TBC1D19: variants seen among roughly 807,000 people sequenced by gnomAD.
TBC1D19 encodes TBC1 domain family member 19.
In TBC1D19, 60 loss-of-function variants were observed where a neutral mutation model predicts 89.0. The observed-to-expected ratio is 0.67, with a 90% confidence interval of 0.55 to 0.84. The LOEUF is 0.84. Ranked by LOEUF, TBC1D19 falls within the 40% of genes least tolerant of loss-of-function variation. The pLI is 0.00. For synonymous variants in TBC1D19, 189 were observed against 199.7 expected, an observed-to-expected ratio of 0.95 and a Z score of 0.45; for missense variants, 500 against 610.8, an observed-to-expected ratio of 0.82 and a Z score of 1.91.
chr4:26,739,805 A>C, intron 16 of TBC1D19, 59 bp from the exon 17 acceptor site: 1 of 963,152 alleles, frequency 1.0e-6, no homozygotes, highest in Non-Finnish European at 1.5e-6. Context: ...CATATTTTAT[A>C]AATTTATCTT....
chr4:26,604,666 G>C (rs1222843892), intron 1 of TBC1D19, among the ~76,000 whole-genome samples: 1 of 151,218 alleles, frequency 6.6e-6, no homozygotes, highest in East Asian at 2.0e-4. Flanking sequence ...ACGAGGTTGG[G>C]AGATCGAGAC....
chr4:26,809,936 C>G, the TBC1D19 span, among the ~76,000 whole-genome samples: 1 of 152,338 alleles, frequency 6.6e-6, no homozygotes, highest in East Asian at 1.9e-4. Context: ...ACGCTGAGCC[C>G]CACTGCACCC....
At position 26,695,834 on chromosome 4, in the gene TBC1D19, G is replaced by A. The variant is rs1714724349; in HGVS notation, c.954+7427G>A. ...GAGAGATTTTGTCACCACCAGGCCT[G>A]CCCTACAAGAGCTCCTGAAGGAAGC... On this transcript the variant is annotated intron_variant, in intron 13 of 20. Coordinates refer to ENST00000264866, the MANE Select transcript of TBC1D19 (RefSeq NM_018317.4). 2.6e-5 allele frequency among the ~76,000 whole-genome samples: 4 copies of A among 152,168 alleles called. No homozygotes were observed. In the South Asian group the frequency reaches 6.2e-4, roughly 24 times the overall value.
chr4:26,678,805 T>A (rs1713075268), intron 11 of TBC1D19, among the ~76,000 whole-genome samples: 1 of 152,192 alleles, frequency 6.6e-6, no homozygotes, highest in African/African-American at 2.4e-5. Context: ...ATGTAGCTTT[T>A]CGTCCTATAA....
At chr4:26,738,891 T>A (rs1718191207) in intron 16 of TBC1D19, among the ~76,000 whole-genome samples, 1 of 152,196 alleles carries the variant, frequency 6.6e-6, no homozygotes, top group South Asian at 2.1e-4. Context: ...ACTGGCCCAC[T>A]GACTTCCTTG....
At chr4:26,854,746 T>C in the TBC1D19 span, among the ~76,000 whole-genome samples, 1,452 of 114,632 alleles carry the variant, frequency 0.013, 5 homozygotes, top group African/African-American at 0.019. Flanking sequence ...TTTTTTTTTT[T>C]CCTCTGGGGC....
At chr4:26,815,924 C>A in the TBC1D19 span, among the ~76,000 whole-genome samples, 12 of 152,078 alleles carry the variant, frequency 7.9e-5, no homozygotes, top group Non-Finnish European at 1.5e-5. Context: ...CTTGGAATAC[C>A]CCCCGAGGGC....
chr4:26,665,503 A>G (rs966729182), intron 8 of TBC1D19, among the ~76,000 whole-genome samples: 2 of 152,126 alleles, frequency 1.3e-5, no homozygotes, highest in African/African-American at 4.8e-5. Context: ...AAAATACCAG[A>G]CAAACATTAT....
chr4:26,856,046 T>C, the TBC1D19 span, among the ~76,000 whole-genome samples: 8 of 144,504 alleles, frequency 5.5e-5, no homozygotes, highest in African/African-American at 1.7e-4. Context: ...TATTGTGAAG[T>C]ACAATAGATC....
intron 13 of TBC1D19, 101 bp downstream of exon 13, chr4:26,688,508 C>T: frequency 7.8e-7 from 1 of 1,285,048 alleles, no homozygotes; most frequent in Non-Finnish European, 1.0e-6. Context: ...TTTTTGTAAT[C>T]CATGGCATGC....
At chr4:26,588,024 C>CTTTTTTTT (rs573029265) in intron 1 of TBC1D19, among the ~76,000 whole-genome samples, 2 of 119,328 alleles carry the variant, frequency 1.7e-5, no homozygotes, top group African/African-American at 3.3e-5. Context: ...CATATGTGTT[C>CTTTTTTTT]TTTTTTTTTT....
the TBC1D19 span, among the ~76,000 whole-genome samples, chr4:26,853,404 C>T: frequency 2.6e-5 from 4 of 152,186 alleles, no homozygotes; most frequent in African/African-American, 9.7e-5. Context: ...TTTCATCTCC[C>T]ATATTTTCAG....
the TBC1D19 span, among the ~76,000 whole-genome samples, chr4:26,775,027 T>A: frequency 6.6e-6 from 1 of 152,230 alleles, no homozygotes; most frequent in Non-Finnish European, 1.5e-5. Context: ...CTTTTCTGTA[T>A]CCATTGAGAA....
At chr4:26,676,238 C>T (rs765134961) in intron 11 of TBC1D19, among the ~76,000 whole-genome samples, 5 of 152,274 alleles carry the variant, frequency 3.3e-5, no homozygotes, top group Admixed American at 6.5e-5. Context: ...TTAGTCTTCA[C>T]GGTGCCTGTT....
the TBC1D19 span, among the ~76,000 whole-genome samples, chr4:26,778,771 G>T: frequency 6.6e-6 from 1 of 152,138 alleles, no homozygotes; most frequent in Non-Finnish European, 1.5e-5. Flanking sequence ...TACTGAATGA[G>T]ATTCTGAATT....
intron 11 of TBC1D19, among the ~76,000 whole-genome samples, chr4:26,681,408 G>A (rs753154507): frequency 2.6e-5 from 4 of 151,846 alleles, no homozygotes; most frequent in Non-Finnish European, 4.4e-5. Flanking sequence ...AAAATCAGGC[G>A]GGTATGGTGC....
chr4:26,613,183 A>G lies in TBC1D19; in HGVS notation c.114A>G (p.Arg38=). 6.4e-7 allele frequency: 1 copy of G among 1,571,726 alleles called. No homozygotes were observed. The highest frequency in any genetic ancestry group is 8.7e-7 in the Non-Finnish European group (1 of 1,155,418). ...LERQAWASLQ[R]PEIKLESLKE... ...ATTATTCTTAGGCCAGTCTTCAGAGACCTGAGATTAAACTTGAATCACTGA... is the reference window on the plus strand; with the variant it reads ...ATTATTCTTAGGCCAGTCTTCAGAGGCCTGAGATTAAACTTGAATCACTGA... The change falls in exon 2 of 21, where the codon AGA becomes AGG. Residue 38 remains arginine, a synonymous_variant. Coordinates refer to ENST00000264866, the MANE Select transcript of TBC1D19 (RefSeq NM_018317.4).
chr4:26,646,817 A>G (rs1216608056), intron 7 of TBC1D19, among the ~76,000 whole-genome samples: 1 of 152,240 alleles, frequency 6.6e-6, no homozygotes, highest in Non-Finnish European at 1.5e-5. Context: ...GGATAGCATT[A>G]GGAGAAATAC....
chr4:26,831,260 G>A, the TBC1D19 span, among the ~76,000 whole-genome samples: 5 of 152,172 alleles, frequency 3.3e-5, no homozygotes, highest in African/African-American at 4.8e-5. Flanking sequence ...AGGAGGCCTG[G>A]TGCAGGACTG....
Sources: allele counts gnomAD v4.1 joint callset (sites outside exome capture counted in the v4.1 genomes callset), GRCh38; gene constraint gnomAD v4.1.1; transcripts MANE v1.5; gene names NCBI Gene and HGNC (gene_info 2026-07-23, HGNC 2026-07-21).